Variants in TENT5C observed in about 807,000 individuals in gnomAD.
TENT5C encodes terminal nucleotidyltransferase 5C, also known as family with sequence similarity 46 member C.
TENT5C carries 5 observed loss-of-function variants against 22.2 expected under a neutral mutation model. The observed-to-expected ratio is 0.22, with a 90% CI of 0.12 to 0.47. TENT5C has a LOEUF of 0.47. Ranked by LOEUF, TENT5C falls within the 20% of genes least tolerant of loss-of-function variation. The probability of loss-of-function intolerance (pLI) is 0.99; values close to 1 mark genes in which losing one functional copy is unlikely to be tolerated. For missense variants in TENT5C, 364 were observed against 500.9 expected (o/e 0.73, Z 2.61); for synonymous variants, 199 against 195.4 (o/e 1.02, Z -0.15).
At chr1:117,613,716 T>C (rs991958891) in intron 1 of TENT5C, among the ~76,000 whole-genome samples, 2 of 152,176 alleles carry the variant, frequency 1.3e-5, no homozygotes, top group African/African-American at 4.8e-5. Flanking sequence ...GTAAACATCA[T>C]TGGTAAATGG....
At chr1:117,620,934 G>A (rs1024151538) in intron 1 of TENT5C, among the ~76,000 whole-genome samples, 1 of 152,158 alleles carries the variant, frequency 6.6e-6, no homozygotes, top group African/African-American at 2.4e-5. Context: ...ACATACAGTG[G>A]ACACAAATGT....
At chr1:117,615,353 A>G (rs545440690) in intron 1 of TENT5C, among the ~76,000 whole-genome samples, 1 of 152,352 alleles carries the variant, frequency 6.6e-6, no homozygotes, top group South Asian at 2.1e-4. Flanking sequence ...CCAGCAGTGC[A>G]TCCTTGGACA....
Position 117,626,807 on chromosome 1 carries a change from G to A in TENT5C, c.*2763G>A, listed in dbSNP as rs1323527577. On this transcript the variant is annotated 3_prime_UTR_variant, in exon 2 of 2. Transcript: ENST00000369448. ...AGTTAAGCAGTCTCTTATTTGTTTC[G>A]GGACTCTGATTTGACTCTTTTTCTG... 7 of 247,870 alleles carry A rather than the reference G, an allele frequency of 2.8e-5. No homozygotes were observed. Among genetic ancestry groups the A allele is most frequent in the South Asian group, 1.8e-4 (1 of 5,518 alleles). 15.4% of individuals were successfully genotyped at this position (247,870 alleles called of 1,614,324 possible). A position where few individuals can be genotyped will look rare whatever the true frequency, so the allele number is the denominator to read the frequency against.
chr1:117,612,321 G>T (rs1570857145), intron 1 of TENT5C, among the ~76,000 whole-genome samples: 2 of 149,344 alleles, frequency 1.3e-5, no homozygotes, highest in South Asian at 4.2e-4. Flanking sequence ...AACACATGGT[G>T]TTGGATTCCT....
Position 117,625,649 on chromosome 1 carries a change from A to G in TENT5C, c.*1605A>G, listed in dbSNP as rs576393828. 1 of 248,128 alleles carries G rather than the reference A, an allele frequency of 4.0e-6. No homozygotes were observed. Among genetic ancestry groups the G allele is most frequent in the Admixed American group, 5.6e-5 (1 of 17,804 alleles). 15.4% of individuals were successfully genotyped at this position (248,128 alleles called of 1,614,324 possible). ...CCTTCCTTTGGCTATGAAAACCCAA[A>G]GCCCGGAGTGATTGTTTTCTCCTTG... On this transcript the variant is annotated 3_prime_UTR_variant, in exon 2 of 2. Coordinates refer to ENST00000369448, the MANE Select transcript of TENT5C (RefSeq NM_017709.4).
At chr1:117,610,430 A>G (rs1261506340) in intron 1 of TENT5C, among the ~76,000 whole-genome samples, 1 of 152,142 alleles carries the variant, frequency 6.6e-6, no homozygotes, top group Non-Finnish European at 1.5e-5. Flanking sequence ...CTTTCTCACC[A>G]AACTTTGAAT....
intron 1 of TENT5C, among the ~76,000 whole-genome samples, chr1:117,614,865 C>G (rs1246817654): frequency 1.3e-5 from 2 of 152,224 alleles, no homozygotes; most frequent in African/African-American, 4.8e-5. Flanking sequence ...CTTGGGTTCT[C>G]TCTCTCTTCT....
chr1:117,611,512 A>G (rs1247361561), intron 1 of TENT5C, among the ~76,000 whole-genome samples: 1 of 152,200 alleles, frequency 6.6e-6, no homozygotes, highest in Non-Finnish European at 1.5e-5. Context: ...GAGAGACACG[A>G]TTAACTTCCT....
At chr1:117,607,562 T>C (rs1471721924) in intron 1 of TENT5C, among the ~76,000 whole-genome samples, 1 of 152,192 alleles carries the variant, frequency 6.6e-6, no homozygotes, top group Non-Finnish European at 1.5e-5. Context: ...CCTCCCAAAG[T>C]ACACTTCTGG....
intron 1 of TENT5C, among the ~76,000 whole-genome samples, chr1:117,614,305 C>T (rs964423033): frequency 3.3e-5 from 5 of 152,196 alleles, no homozygotes; most frequent in African/African-American, 7.2e-5. Context: ...TGGTTTTTCT[C>T]GTTTCTGCCC....
intron 1 of TENT5C, among the ~76,000 whole-genome samples, chr1:117,615,130 T>C (rs979768377): frequency 6.6e-6 from 1 of 152,262 alleles, no homozygotes; most frequent in Non-Finnish European, 1.5e-5. Context: ...CCATCTGGCC[T>C]TACCTCACTC....
At position 117,622,926 on chromosome 1, in the gene TENT5C, G is replaced by T. The variant is rs912269955; in HGVS notation, c.58G>T (p.Asp20Tyr). 4.3e-6 allele frequency: 7 copies of T among 1,614,188 alleles called. No homozygotes were observed. The highest frequency in any genetic ancestry group is 2.2e-5 in the East Asian group (1 of 44,886). The change falls in exon 2 of 2, where the codon GAT (aspartate) becomes TAT (tyrosine). Residue 20 changes from aspartate to tyrosine, a missense_variant. Coordinates refer to ENST00000369448, the MANE Select transcript of TENT5C (RefSeq NM_017709.4). ...DCMSFSVLNW[D>Y]QVSRLHEVLT... ...CATGTCCTTCAGCGTGCTCAACTGG[G>T]ATCAGGTTAGCCGGCTGCATGAGGT...
intron 1 of TENT5C, among the ~76,000 whole-genome samples, chr1:117,614,478 T>C (rs1202799982): frequency 6.6e-6 from 1 of 152,220 alleles, no homozygotes; most frequent in Non-Finnish European, 1.5e-5. Context: ...TGAGGTCCTG[T>C]GTACGTTCCA....
chr1:117,606,202 C>T (rs1334426672), intron 1 of TENT5C, 49 bp downstream of exon 1: 1 of 152,206 alleles, frequency 6.6e-6, no homozygotes, highest in Non-Finnish European at 1.5e-5. Context: ...GCGGCAGCAG[C>T]CCCAGGGAGC....
In TENT5C at chr1:117,624,144, G is replaced by A; in HGVS notation, c.*100G>A. Reference sequence around the variant, plus strand: ...GATGTAGGCATTTGGCTTTTAAAGGGGAACTCAGCTCTGATTCTGCTTTTT... The same window carrying A: ...GATGTAGGCATTTGGCTTTTAAAGGAGAACTCAGCTCTGATTCTGCTTTTT... On this transcript the variant is annotated 3_prime_UTR_variant, in exon 2 of 2. Transcript: ENST00000369448. The A allele has an allele frequency of 9.0e-6, 9 of 998,388 alleles. No homozygotes were observed. Among genetic ancestry groups the A allele is most frequent in the Admixed American group, 5.8e-5 (2 of 34,600 alleles). The allele number at this position is 998,388 out of a possible 1,614,324, so 61.8% of individuals were successfully genotyped here.
intron 1 of TENT5C, among the ~76,000 whole-genome samples, chr1:117,617,629 G>A (rs1653815578): frequency 6.6e-6 from 1 of 152,098 alleles, no homozygotes; most frequent in South Asian, 2.1e-4. Context: ...GAATTTACTA[G>A]GCTTCAAATT....
At chr1:117,618,571 G>A (rs183198893) in intron 1 of TENT5C, among the ~76,000 whole-genome samples, 2 of 150,872 alleles carry the variant, frequency 1.3e-5, no homozygotes, top group South Asian at 4.3e-4. Flanking sequence ...ATGGATGTGG[G>A]AATGCAGAAT....
chr1:117,615,143 G>A (rs1653754346), intron 1 of TENT5C, among the ~76,000 whole-genome samples: 1 of 152,188 alleles, frequency 6.6e-6, no homozygotes, highest in Non-Finnish European at 1.5e-5. Flanking sequence ...CCTCACTCAG[G>A]TGGCCTTAGC....
At chr1:117,607,745 A>T (rs1439217204) in intron 1 of TENT5C, among the ~76,000 whole-genome samples, 1 of 152,146 alleles carries the variant, frequency 6.6e-6, no homozygotes, top group Non-Finnish European at 1.5e-5. Context: ...CAAGGGTATT[A>T]TTGAGGGTGT....
Sources: allele counts gnomAD v4.1 joint callset (sites outside exome capture counted in the v4.1 genomes callset), GRCh38; gene constraint gnomAD v4.1.1; transcripts MANE v1.5; gene names NCBI Gene and HGNC (gene_info 2026-07-23, HGNC 2026-07-21).